RFX7: variants seen among roughly 807,000 people sequenced by gnomAD.
RFX7 encodes regulatory factor X7.
RFX7 carries 26 observed loss-of-function variants against 111.8 expected under a neutral mutation model. The ratio of observed to expected loss-of-function variants is 0.23; its 90% CI spans 0.17 to 0.32. The LOEUF (loss-of-function observed/expected upper bound fraction) is 0.32. Ranked by LOEUF, RFX7 falls within the 10% of genes least tolerant of loss-of-function variation. The pLI, the probability that RFX7 is intolerant of heterozygous loss-of-function variation, is 1.00. For synonymous variants in RFX7, 624 were observed against 624.4 expected, an observed-to-expected ratio of 1.00 and a Z score of 0.01; for missense variants, 1,573 against 1,772.9, an observed-to-expected ratio of 0.89 and a Z score of 2.02.
At chr15:56,122,057 T>G (rs1217152341) in intron 5 of RFX7, among the ~76,000 whole-genome samples, 2 of 152,218 alleles carry the variant, frequency 1.3e-5, no homozygotes, top group Non-Finnish European at 2.9e-5. Context: ...CATGTTTTTC[T>G]GAATGGTCTT....
At chr15:56,215,248 T>C (rs1268799215) in intron 2 of RFX7, among the ~76,000 whole-genome samples, 1 of 152,224 alleles carries the variant, frequency 6.6e-6, no homozygotes, top group Non-Finnish European at 1.5e-5. Flanking sequence ...AAAATCTGTA[T>C]TATTATTGTA....
intron 5 of RFX7, among the ~76,000 whole-genome samples, chr15:56,138,701 T>C (rs2042343199): frequency 6.6e-6 from 1 of 152,226 alleles, no homozygotes; most frequent in African/African-American, 2.4e-5. Flanking sequence ...ATGCAGTTTC[T>C]TCCTAGTCTT....
chr15:56,102,653 G>C (rs993240133), intron 6 of RFX7, among the ~76,000 whole-genome samples: 2 of 152,172 alleles, frequency 1.3e-5, no homozygotes, highest in Non-Finnish European at 2.9e-5. Flanking sequence ...AGTGTCACAA[G>C]GGCTTTAACC....
intron 3 of RFX7, among the ~76,000 whole-genome samples, chr15:56,149,858 G>T (rs933678728): frequency 6.6e-6 from 1 of 151,572 alleles, no homozygotes; most frequent in Non-Finnish European, 1.5e-5. Flanking sequence ...CACTAAGACA[G>T]AACCATTTAC....
At chr15:56,160,181 G>A (rs1010723473) in intron 3 of RFX7, among the ~76,000 whole-genome samples, 1 of 151,892 alleles carries the variant, frequency 6.6e-6, no homozygotes, top group Non-Finnish European at 1.5e-5. Context: ...TTATATCTGA[G>A]GATCATTATT....
intron 2 of RFX7, among the ~76,000 whole-genome samples, chr15:56,188,768 C>A (rs1377191308): frequency 1.3e-5 from 2 of 152,132 alleles, no homozygotes; most frequent in Non-Finnish European, 2.9e-5. Context: ...CTAGAAGAAA[C>A]CATAGGAGAA....
At chr15:56,103,129 A>ATTTTTTT (rs11336124) in intron 6 of RFX7, among the ~76,000 whole-genome samples, 14 of 94,442 alleles carry the variant, frequency 1.5e-4, no homozygotes, top group African/African-American at 1.9e-4. Flanking sequence ...GTTCCATAAG[A>ATTTTTTT]TTTTTTTTTT....
At chr15:56,150,256 C>T (rs1386190083) in intron 3 of RFX7, among the ~76,000 whole-genome samples, 2 of 152,180 alleles carry the variant, frequency 1.3e-5, no homozygotes, top group Admixed American at 6.5e-5. Context: ...AACATCCCTG[C>T]CTGATGGCTC....
At chr15:56,191,964 T>C (rs1353233584) in intron 2 of RFX7, among the ~76,000 whole-genome samples, 1 of 152,146 alleles carries the variant, frequency 6.6e-6, no homozygotes, top group Non-Finnish European at 1.5e-5. Context: ...TCCCAATGGC[T>C]TGTGACTGCC....
chr15:56,234,485 AAT>A, intron 2 of RFX7, among the ~76,000 whole-genome samples: 1 of 152,350 alleles, frequency 6.6e-6, no homozygotes, highest in South Asian at 2.1e-4. Context: ...TGCATTTAAT[AAT>A]ATGACAGTTA....
upstream of RFX7, among the ~76,000 whole-genome samples, chr15:56,244,928 G>A (rs1482256915): frequency 1.3e-5 from 2 of 152,156 alleles, no homozygotes; most frequent in African/African-American, 2.4e-5. Context: ...GGGAGGCTGC[G>A]TGGATGTAGA....
At chr15:56,118,788 C>T (rs1481564281) in intron 5 of RFX7, among the ~76,000 whole-genome samples, 2 of 152,194 alleles carry the variant, frequency 1.3e-5, no homozygotes, top group East Asian at 3.8e-4. Flanking sequence ...TCTACAGTAG[C>T]TTTACTAACT....
At chr15:56,150,566 C>T (rs2042555755) in intron 3 of RFX7, among the ~76,000 whole-genome samples, 1 of 152,188 alleles carries the variant, frequency 6.6e-6, no homozygotes, top group African/African-American at 2.4e-5. Flanking sequence ...GGAAGGTCAC[C>T]AACATCAAAG....
At chr15:56,224,467 T>TGTGTGTGTGTGTGTG (rs111880963) in intron 2 of RFX7, among the ~76,000 whole-genome samples, 25 of 147,310 alleles carry the variant, frequency 1.7e-4, no homozygotes, top group South Asian at 4.4e-4. Context: ...GATTAGGATT[T>TGTGTGTGTGTGTGTG]TGTGTGTGTG....
At chr15:56,203,993 T>C (rs1346237812) in intron 2 of RFX7, among the ~76,000 whole-genome samples, 3 of 151,848 alleles carry the variant, frequency 2.0e-5, no homozygotes, top group Non-Finnish European at 2.9e-5. Flanking sequence ...TGGGGTCTGA[T>C]TGGGACCTCT....
chr15:56,101,579 A>C lies in RFX7; in HGVS notation c.604-13T>G. On this transcript the variant is annotated splice_polypyrimidine_tract_variant and intron_variant, in intron 7 of 9. Transcript: ENST00000559447. ...CAGCTCCTTCCAACTAGGCAAAGAA[A>C]AAAGGAAATGTTAACTTGTAAAAGA... 1 of 1,606,204 alleles carries C rather than the reference A, an allele frequency of 6.2e-7. No individual in the cohort carries two copies. The highest frequency in any genetic ancestry group is 1.1e-5 in the South Asian group (1 of 90,560).
chr15:56,224,916 G>T (rs2043466055), intron 2 of RFX7, among the ~76,000 whole-genome samples: 1 of 152,058 alleles, frequency 6.6e-6, no homozygotes, highest in Non-Finnish European at 1.5e-5. Context: ...CTCTCTGCCT[G>T]TTTAAACAGC....
chr15:56,098,660 G>A (rs1400952451), intron 8 of RFX7, among the ~76,000 whole-genome samples: 1 of 152,218 alleles, frequency 6.6e-6, no homozygotes, highest in East Asian at 1.9e-4. Flanking sequence ...TTTAAAAACC[G>A]TAGCTATATC....
intron 2 of RFX7, among the ~76,000 whole-genome samples, chr15:56,180,223 G>A (rs1047050231): frequency 1.3e-5 from 2 of 152,040 alleles, no homozygotes; most frequent in Non-Finnish European, 2.9e-5. Context: ...AAAAAAATTA[G>A]TATTTAAATC....
Sources: allele counts gnomAD v4.1 joint callset (sites outside exome capture counted in the v4.1 genomes callset), GRCh38; gene constraint gnomAD v4.1.1; transcripts MANE v1.5; gene names NCBI Gene and HGNC (gene_info 2026-07-23, HGNC 2026-07-21).